Variants in STAG1 observed in about 807,000 individuals in gnomAD.
STAG1 encodes cohesin subunit SA-1.
Under a neutral mutation model 170.9 loss-of-function variants are expected in STAG1, and 26 were observed. The observed-to-expected ratio is 0.15, with a 90% CI of 0.11 to 0.21. STAG1 has a LOEUF of 0.21. STAG1 is among the 10% of genes least tolerant of loss of function. The pLI, the probability that STAG1 is intolerant of heterozygous loss-of-function variation, is 1.00. For missense variants in STAG1, 964 were observed against 1,509.5 expected (o/e 0.64, Z 5.99); for synonymous variants, 514 against 497.7 (o/e 1.03, Z -0.44).
intron 1 of STAG1, among the ~76,000 whole-genome samples, chr3:136,641,731 T>C (rs964780546): frequency 2.6e-5 from 4 of 152,212 alleles, no homozygotes; most frequent in Admixed American, 2.0e-4. Flanking sequence ...AAGAGGACTT[T>C]AGTAGGACAA....
At chr3:136,405,231 C>CTTTTTTTTTTTTT (rs554475207) in intron 21 of STAG1, among the ~76,000 whole-genome samples, 1 of 60,876 alleles carries the variant, frequency 1.6e-5, no homozygotes, top group Non-Finnish European at 3.5e-5. Flanking sequence ...GAAAAAACCT[C>CTTTTTTTTTTTTT]TTTTTTTTTT....
At chr3:136,466,407 C>T (rs371133569) in intron 12 of STAG1, among the ~76,000 whole-genome samples, 5 of 151,996 alleles carry the variant, frequency 3.3e-5, no homozygotes, top group Non-Finnish European at 5.9e-5. Flanking sequence ...GTATCAGTGA[C>T]TGAAGATCAA....
chr3:136,450,968 T>C (rs1484850270), intron 14 of STAG1, among the ~76,000 whole-genome samples: 1 of 152,092 alleles, frequency 6.6e-6, no homozygotes, highest in East Asian at 1.9e-4. Flanking sequence ...AGGCTGGTCT[T>C]AAACTCCTGG....
chr3:136,680,344 T>C (rs1022259777), intron 1 of STAG1, among the ~76,000 whole-genome samples: 7 of 152,128 alleles, frequency 4.6e-5, no homozygotes, highest in Admixed American at 4.6e-4. Context: ...AAAAGCAAGT[T>C]ACAGAAAAGT....
intron 10 of STAG1, 45 bp downstream of exon 10, chr3:136,477,244 G>T: frequency 6.5e-7 from 1 of 1,547,234 alleles, no homozygotes; most frequent in South Asian, 1.3e-5. Context: ...TTTTAGTACT[G>T]AGACAAACAT....
intron 4 of STAG1, among the ~76,000 whole-genome samples, chr3:136,602,326 C>A (rs2107805776): frequency 6.6e-6 from 1 of 150,694 alleles, no homozygotes; most frequent in Non-Finnish European, 1.5e-5. Flanking sequence ...TTGCAGCGAG[C>A]CGGGATCACG....
intron 1 of STAG1, among the ~76,000 whole-genome samples, chr3:136,734,121 AAAC>A (rs1934202484): frequency 7.0e-6 from 1 of 143,656 alleles, no homozygotes; most frequent in South Asian, 2.2e-4. Flanking sequence ...AAAAAAAAAA[AAAC>A]AAAACAAAAC....
chr3:136,369,004 G>T (rs1213455550), intron 24 of STAG1, 104 bp downstream of exon 24: 4 of 1,166,776 alleles, frequency 3.4e-6, no homozygotes, highest in Non-Finnish European at 4.5e-6. Context: ...TTTTTTAAAA[G>T]AAAGAAATCT....
At chr3:136,742,464 A>G (rs1336852355) in intron 1 of STAG1, among the ~76,000 whole-genome samples, 3 of 152,192 alleles carry the variant, frequency 2.0e-5, no homozygotes, top group African/African-American at 7.2e-5. Flanking sequence ...CTATAATCTG[A>G]GCACTTTGGG....
chr3:136,367,956 G>T (rs1313752326), intron 24 of STAG1, among the ~76,000 whole-genome samples: 1 of 152,100 alleles, frequency 6.6e-6, no homozygotes. Flanking sequence ...ACCCTCCCGT[G>T]TCCTGGCCTG....
At chr3:136,751,766 G>T (rs1440050566) in intron 1 of STAG1, among the ~76,000 whole-genome samples, 5 of 151,392 alleles carry the variant, frequency 3.3e-5, no homozygotes. Context: ...AGCCCGCGTC[G>T]GCCCGGCCCC....
intron 13 of STAG1, among the ~76,000 whole-genome samples, chr3:136,453,100 A>G (rs1046079448): frequency 6.6e-6 from 1 of 152,158 alleles, no homozygotes; most frequent in Non-Finnish European, 1.5e-5. Flanking sequence ...ATAACATATA[A>G]CCAAATGTTT....
At chr3:136,581,454 G>GA (rs550439314) in intron 4 of STAG1, among the ~76,000 whole-genome samples, 1 of 151,388 alleles carries the variant, frequency 6.6e-6, no homozygotes, top group African/African-American at 2.4e-5. Context: ...AAATATTTCA[G>GA]AAAAAAAACC....
chr3:136,558,253 G>A (rs992958645), intron 5 of STAG1, among the ~76,000 whole-genome samples: 3 of 152,084 alleles, frequency 2.0e-5, no homozygotes, highest in South Asian at 2.1e-4. Context: ...TTAGCCAGGC[G>A]TGGTGGCACA....
intron 23 of STAG1, among the ~76,000 whole-genome samples, chr3:136,372,620 C>T (rs1174040470): frequency 1.3e-5 from 2 of 150,642 alleles, no homozygotes; most frequent in Non-Finnish European, 3.0e-5. Flanking sequence ...TCGTTTTTGT[C>T]TTTGGTTCTG....
intron 1 of STAG1, among the ~76,000 whole-genome samples, chr3:136,695,296 T>A (rs113387530): frequency 1.2e-5 from 1 of 81,166 alleles, no homozygotes; most frequent in African/African-American, 1.3e-4. Flanking sequence ...TAATCAGCTA[T>A]GTGTGGTGGT....
At chr3:136,512,555 G>C (rs914648490) in intron 7 of STAG1, among the ~76,000 whole-genome samples, 1 of 152,090 alleles carries the variant, frequency 6.6e-6, no homozygotes, top group African/African-American at 2.4e-5. Context: ...AAAATCCAGA[G>C]TCATCAGACA....
intron 1 of STAG1, among the ~76,000 whole-genome samples, chr3:136,661,435 T>A (rs553495936): frequency 6.6e-6 from 1 of 152,160 alleles, no homozygotes. Flanking sequence ...AGGTCGTGGG[T>A]TGCAGTCAAA....
intron 3 of STAG1, among the ~76,000 whole-genome samples, chr3:136,608,623 T>G (rs564995697): frequency 6.7e-6 from 1 of 150,060 alleles, no homozygotes. Flanking sequence ...CAGACCAGCC[T>G]GAGCAACATG....
Sources: allele counts gnomAD v4.1 joint callset (sites outside exome capture counted in the v4.1 genomes callset), GRCh38; gene constraint gnomAD v4.1.1; transcripts MANE v1.5; gene names NCBI Gene and HGNC (gene_info 2026-07-23, HGNC 2026-07-21).